Variants in RERE observed in about 807,000 individuals in gnomAD.
The protein encoded by RERE is arginine-glutamic acid dipeptide repeats.
Under a neutral mutation model 146.1 loss-of-function variants are expected in RERE, and 40 were observed. That is an observed-to-expected ratio of 0.27 (90% CI 0.21 to 0.36). The LOEUF (loss-of-function observed/expected upper bound fraction) is 0.36, where lower values mean the gene tolerates loss of function less well. Ranked by LOEUF, RERE falls within the 10% of genes least tolerant of loss-of-function variation. The pLI is 1.00. For missense variants in RERE, 1,933 were observed against 2,138.7 expected (o/e 0.90, Z 1.90); for synonymous variants, 1,003 against 866.0 (o/e 1.16, Z -2.78).
intron 1 of RERE, among the ~76,000 whole-genome samples, chr1:8,682,593 T>C (rs1357289559): frequency 5.9e-5 from 9 of 152,208 alleles, no homozygotes; most frequent in Admixed American, 4.6e-4. Context: ...CAGTGTCCAC[T>C]AGGGACTGGT....
At chr1:8,534,357 G>T (rs1436316365) in intron 7 of RERE, among the ~76,000 whole-genome samples, 1 of 152,162 alleles carries the variant, frequency 6.6e-6, no homozygotes, top group Non-Finnish European at 1.5e-5. Flanking sequence ...AAGGAAAAGG[G>T]AATAAACTAG....
At chr1:8,516,707 T>C (rs147050062) in intron 7 of RERE, among the ~76,000 whole-genome samples, 24 of 152,276 alleles carry the variant, frequency 1.6e-4, no homozygotes, top group Non-Finnish European at 2.9e-4. Context: ...TGAACCAAAA[T>C]CACACAATTA....
intron 1 of RERE, among the ~76,000 whole-genome samples, chr1:8,790,067 C>T (rs1246104316): frequency 6.6e-6 from 1 of 152,158 alleles, no homozygotes; most frequent in African/African-American, 2.4e-5. Context: ...CTAACAGCAA[C>T]ATTAAACTTG....
chr1:8,795,317 C>A (rs1252621549), intron 1 of RERE, among the ~76,000 whole-genome samples: 2 of 151,960 alleles, frequency 1.3e-5, no homozygotes, highest in East Asian at 3.9e-4. Flanking sequence ...AGCCACCGCC[C>A]CCGGCCCCCC....
intron 6 of RERE, among the ~76,000 whole-genome samples, chr1:8,547,250 A>G (rs997359575): frequency 6.6e-6 from 1 of 152,192 alleles, no homozygotes; most frequent in African/African-American, 2.4e-5. Context: ...CAAAATACAT[A>G]TGGAAAGCAA....
intron 12 of RERE, among the ~76,000 whole-genome samples, chr1:8,382,532 T>C (rs1642493118): frequency 6.6e-6 from 1 of 152,258 alleles, no homozygotes; most frequent in Non-Finnish European, 1.5e-5. Flanking sequence ...CTTTTTCAAC[T>C]GGAGTTCTTA....
intron 6 of RERE, among the ~76,000 whole-genome samples, chr1:8,548,885 T>G (rs1645899588): frequency 6.6e-6 from 1 of 152,088 alleles, no homozygotes; most frequent in Non-Finnish European, 1.5e-5. Flanking sequence ...CTCGGGAGGC[T>G]GAAGCAGAGA....
At position 8,617,343 on chromosome 1, in the gene RERE, C is replaced by CAAAAAAA. The variant is rs58933208; in HGVS notation, c.397-2664_397-2658dup. Reference sequence around the variant, plus strand: ...GGGTGACAAGAGTGAAACTCTGTCTCAAAAAAAAAAAAAAGAATTCCATCC... The same window carrying CAAAAAAA: ...GGGTGACAAGAGTGAAACTCTGTCTCAAAAAAAAAAAAAAAAAAAAAGAATTCCATCC... On this transcript the variant is annotated intron_variant, in intron 3 of 22. Transcript: ENST00000400908. Among the ~76,000 whole-genome samples, 37 of 80,410 alleles carry CAAAAAAA rather than the reference C, an allele frequency of 4.6e-4. 1 individual carries two copies. The highest frequency in any genetic ancestry group is 9.4e-4 in the African/African-American group (18 of 19,178). The allele number at this position is 80,410 out of a possible 152,430, so 52.8% of individuals were successfully genotyped here.
intron 1 of RERE, among the ~76,000 whole-genome samples, chr1:8,665,918 T>C (rs533299153): frequency 6.6e-6 from 1 of 152,274 alleles, no homozygotes; most frequent in Non-Finnish European, 1.5e-5. Flanking sequence ...GCTATACCCT[T>C]ATTCAGTCAG....
intron 12 of RERE, among the ~76,000 whole-genome samples, chr1:8,384,922 C>T (rs1228417215): frequency 6.6e-6 from 1 of 152,242 alleles, no homozygotes; most frequent in Non-Finnish European, 1.5e-5. Flanking sequence ...GCAACAACCA[C>T]ATTGACTTCA....
chr1:8,727,387 C>T (rs997581527), intron 1 of RERE, among the ~76,000 whole-genome samples: 1 of 152,202 alleles, frequency 6.6e-6, no homozygotes, highest in African/African-American at 2.4e-5. Flanking sequence ...GGTGATCCGC[C>T]CGCCTCAGCC....
At chr1:8,449,592 GA>G (rs1644366845) in intron 11 of RERE, among the ~76,000 whole-genome samples, 1 of 152,198 alleles carries the variant, frequency 6.6e-6, no homozygotes, top group Non-Finnish European at 1.5e-5. Context: ...ATCTAGGTAT[GA>G]AAAACGCACA....
At chr1:8,521,196 ACTC>A (rs74263038) in intron 7 of RERE, among the ~76,000 whole-genome samples, 77,372 of 135,862 alleles carry the variant, frequency 0.57, 23,215 homozygotes, top group East Asian at 0.83. Context: ...AAAAAAAAGA[ACTC>A]CAAGATGTAT....
chr1:8,789,797 C>T (rs1343193415), intron 1 of RERE, among the ~76,000 whole-genome samples: 1 of 152,110 alleles, frequency 6.6e-6, no homozygotes, highest in Non-Finnish European at 1.5e-5. Flanking sequence ...CTGGACTGTC[C>T]TAACCTGCTC....
At chr1:8,417,020 T>A (rs1413164217) in intron 12 of RERE, among the ~76,000 whole-genome samples, 2 of 152,208 alleles carry the variant, frequency 1.3e-5, no homozygotes, top group African/African-American at 4.8e-5. Context: ...GATCTTCTAA[T>A]GTACTGGTAT....
chr1:8,779,882 A>G (rs968250818), intron 1 of RERE, among the ~76,000 whole-genome samples: 1 of 152,116 alleles, frequency 6.6e-6, no homozygotes, highest in Non-Finnish European at 1.5e-5. Context: ...AAGTGCTTAC[A>G]CTCATTTATT....
intron 12 of RERE, among the ~76,000 whole-genome samples, chr1:8,416,268 T>C (rs193227546): frequency 2.0e-5 from 3 of 152,096 alleles, no homozygotes; most frequent in African/African-American, 7.2e-5. Flanking sequence ...GGAGTGGGAA[T>C]TGAGAAGAAA....
chr1:8,520,754 T>TAAA lies in RERE; in HGVS notation c.831-12082_831-12080dup, dbSNP rs145670197. Among the ~76,000 whole-genome samples the TAAA allele has an allele frequency of 2.2e-3, 200 of 92,982 alleles. 4 individuals are homozygous for TAAA. The highest frequency in any genetic ancestry group is 6.0e-3 in the African/African-American group (145 of 24,218). The allele number at this position is 92,982 out of a possible 152,430, so 61.0% of individuals were successfully genotyped here. ...ATGGAGATTCAGCCAAAAAACTTTT[T>TAAA]AAAAAAAAAAAAAAAAAAAAAACCA... On this transcript the variant is annotated intron_variant, in intron 7 of 22. Transcript: ENST00000400908.
At chr1:8,622,202 C>T (rs1646923980) in intron 3 of RERE, among the ~76,000 whole-genome samples, 1 of 152,130 alleles carries the variant, frequency 6.6e-6, no homozygotes, top group Admixed American at 6.5e-5. Flanking sequence ...GCAACTATCA[C>T]ATTGTAATCA....
Sources: gnomAD v4.1 joint callset for allele counts (sites outside exome capture counted in the v4.1 genomes callset) on GRCh38, gnomAD v4.1.1 for gene constraint, MANE v1.5 for transcripts, NCBI Gene and HGNC (gene_info 2026-07-23, HGNC 2026-07-21) for gene names.